CCNK: variants seen among roughly 807,000 people sequenced by gnomAD.
The protein encoded by CCNK is cyclin K.
In CCNK, 9 loss-of-function variants were observed where a neutral mutation model predicts 65.0. The ratio of observed to expected loss-of-function variants is 0.14; its 90% confidence interval spans 0.08 to 0.24. The LOEUF (loss-of-function observed/expected upper bound fraction) is 0.24, where lower values mean the gene tolerates loss of function less well. Ranked by LOEUF, CCNK falls within the 10% of genes least tolerant of loss-of-function variation. CCNK has a pLI of 1.00. For synonymous variants in CCNK, 279 were observed against 270.8 expected, an observed-to-expected ratio of 1.03 and a Z score of -0.30; for missense variants, 474 against 720.0, an observed-to-expected ratio of 0.66 and a Z score of 3.91.
At chr14:99,489,083 G>T (rs1197700653) in intron 1 of CCNK, among the ~76,000 whole-genome samples, 1 of 152,044 alleles carries the variant, frequency 6.6e-6, no homozygotes, top group Non-Finnish European at 1.5e-5. Context: ...AGAATTAGGA[G>T]TGTCATTCCT....
intron 1 of CCNK, among the ~76,000 whole-genome samples, chr14:99,490,626 T>G (rs1896577588): frequency 6.6e-6 from 1 of 152,116 alleles, no homozygotes; most frequent in African/African-American, 2.4e-5. Flanking sequence ...TTGAATTACT[T>G]TAAAAAAATA....
chr14:99,502,816 T>C lies in CCNK; in HGVS notation c.843T>C (p.Pro281=). The part of the protein sequence containing the change: ...HQLQQPPSLQ[P]TPQVPQVQQS... ...TGCAACAGCCCCCATCTCTTCAGCC[T>C]ACACCACAAGTGCCGCAAGTACAGC... Residue 281 remains proline (P), a synonymous_variant, in exon 8 of 11, where the codon CCT becomes CCC. Transcript: ENST00000389879. 6.2e-7 allele frequency: 1 copy of C among 1,613,734 alleles called. No individual in the cohort carries two copies. Among genetic ancestry groups the C allele is most frequent in the Admixed American group, 1.7e-5 (1 of 60,004 alleles).
chr14:99,503,405 T>C (rs1896890388), intron 8 of CCNK: 2 of 605,630 alleles, frequency 3.3e-6, no homozygotes, highest in African/African-American at 1.9e-5. Flanking sequence ...TTCTGTCTTA[T>C]TTGGTAAATG....
intron 2 of CCNK, chr14:99,493,143 C>A: frequency 2.2e-6 from 1 of 462,398 alleles, no homozygotes; most frequent in East Asian, 3.8e-5. Flanking sequence ...TGGCTCATGC[C>A]TGTAATCCCA....
chr14:99,503,390 A>G (rs994113441), intron 8 of CCNK: 1 of 603,244 alleles, frequency 1.7e-6, no homozygotes, highest in African/African-American at 1.9e-5. Flanking sequence ...CAGGAAAGCT[A>G]GTCATTCTGT....
At chr14:99,490,693 C>T (rs1030043430) in intron 1 of CCNK, among the ~76,000 whole-genome samples, 8 of 151,846 alleles carry the variant, frequency 5.3e-5, no homozygotes, top group African/African-American at 1.2e-4. Context: ...TTTGGGAGGC[C>T]GAGGCAGGCG....
intron 1 of CCNK, 189 bp from the exon 2 acceptor site, chr14:99,492,437 A>T (rs1234034682): frequency 2.4e-6 from 1 of 419,446 alleles, no homozygotes; most frequent in Non-Finnish European, 4.2e-6. Context: ...AGATTTATTA[A>T]TATTAGTACT....
chr14:99,501,845 G>A, intron 6 of CCNK: 1 of 233,836 alleles, frequency 4.3e-6, no homozygotes, highest in South Asian at 7.6e-5. Flanking sequence ...CCATCCCACT[G>A]CAGTCAGTGA....
chr14:99,485,299 TGGG>T lies in CCNK; in HGVS notation c.-53+3822_-53+3824del, dbSNP rs569207595. Among the ~76,000 whole-genome samples, 197 of 152,350 alleles carry T rather than the reference TGGG, an allele frequency of 1.3e-3. 1 individual carries two copies. Among genetic ancestry groups the T allele is most frequent in the African/African-American group, 4.4e-3 (184 of 41,582 alleles). ...TTTTCCATTCCAGTTTCATCCCTAC[TGGG>T]GTATTCCTAACACTGTTCCCCGTTC... On this transcript the variant is annotated intron_variant, in intron 1 of 10. Transcript: ENST00000389879.
rs1264604832 is a variant in CCNK, at chr14:99,512,406, G to C, written c.*1624G>C. ...GAAAAATATACACCTCTACCGCTCT[G>C]CAGTCATGCATTTAGTTTTAAGAAA... On this transcript the variant is annotated 3_prime_UTR_variant, in exon 11 of 11. Coordinates refer to ENST00000389879, the MANE Select transcript of CCNK (RefSeq NM_001099402.2). The C allele has an allele frequency of 6.6e-6, 1 of 150,590 alleles. No homozygotes were observed. Among genetic ancestry groups the C allele is most frequent in the Non-Finnish European group, 1.5e-5 (1 of 67,948 alleles). The allele number at this position is 150,590 out of a possible 1,614,324, so 9.3% of individuals were successfully genotyped here.
chr14:99,509,944 T>C lies in CCNK; in HGVS notation c.1118-213T>C, dbSNP rs3918124. 5,175 of 597,826 alleles carry C rather than the reference T, an allele frequency of 8.7e-3. 200 individuals carry two copies. Among genetic ancestry groups the C allele is most frequent in the African/African-American group, 0.086 (4,608 of 53,626 alleles). The allele number at this position is 597,826 out of a possible 1,614,324, so 37.0% of individuals were successfully genotyped here. ...GGGCTGAGGGAGGGAAAACCCCAGG[T>C]CGTCGCAGACAGGGTGGAGGGCCTT... On this transcript the variant is annotated intron_variant, in intron 10 of 10. Coordinates refer to ENST00000389879, the MANE Select transcript of CCNK (RefSeq NM_001099402.2).
At chr14:99,488,347 T>C (rs1403723189) in intron 1 of CCNK, among the ~76,000 whole-genome samples, 2 of 152,128 alleles carry the variant, frequency 1.3e-5, no homozygotes, top group African/African-American at 4.8e-5. Context: ...TCTTTAGCCT[T>C]TTTAAATCTA....
intron 1 of CCNK, among the ~76,000 whole-genome samples, chr14:99,490,194 G>A (rs1166551746): frequency 1.3e-5 from 2 of 152,178 alleles, no homozygotes; most frequent in Non-Finnish European, 2.9e-5. Flanking sequence ...TTGAGTGTGG[G>A]CTGGACCTCG....
At chr14:99,498,176 A>G (rs930171597) in intron 4 of CCNK, among the ~76,000 whole-genome samples, 1 of 152,086 alleles carries the variant, frequency 6.6e-6, no homozygotes, top group African/African-American at 2.4e-5. Flanking sequence ...GGTGCCTTGG[A>G]GAAGCCCCCT....
intron 1 of CCNK, among the ~76,000 whole-genome samples, chr14:99,483,710 A>C (rs1566745014): frequency 6.6e-6 from 1 of 152,252 alleles, no homozygotes; most frequent in African/African-American, 2.4e-5. Context: ...TTAAATGTGC[A>C]TTGGATAAGG....
At chr14:99,493,218 C>T (rs1264330874) in intron 2 of CCNK, 3 of 425,976 alleles carry the variant, frequency 7.0e-6, no homozygotes, top group African/African-American at 2.0e-5. Flanking sequence ...ACCTGGGCTG[C>T]AGTGAGCCAA....
intron 1 of CCNK, 86 bp from the exon 2 acceptor site, chr14:99,492,540 G>T: frequency 1.4e-6 from 1 of 718,670 alleles, no homozygotes; most frequent in South Asian, 2.1e-5. Context: ...AGGAAATAGT[G>T]ATCCCAAACC....
intron 10 of CCNK, 43 bp from the exon 11 acceptor site, chr14:99,510,114 A>G: frequency 6.4e-7 from 1 of 1,554,598 alleles, no homozygotes; most frequent in Non-Finnish European, 8.7e-7. Context: ...AAAAGCAACC[A>G]TTGCTGGCGG....
chr14:99,508,563 G>T (rs867587499), intron 10 of CCNK: 2 of 152,492 alleles, frequency 1.3e-5, no homozygotes. Flanking sequence ...AAGCTGGGCC[G>T]TGAGGAAGGG....
Sources: allele counts gnomAD v4.1 joint callset (sites outside exome capture counted in the v4.1 genomes callset), GRCh38; gene constraint gnomAD v4.1.1; transcripts MANE v1.5; gene names NCBI Gene and HGNC (gene_info 2026-07-23, HGNC 2026-07-21).